The following VPS13A variants were observed in gnomAD, a reference collection of about 807,000 sequenced individuals.
VPS13A encodes the protein vacuolar protein sorting 13 homolog A, also known as intermembrane lipid transfer protein VPS13A.
Under a neutral mutation model 390.9 loss-of-function variants are expected in VPS13A, and 264 were observed. That is an observed-to-expected ratio of 0.68 (90% CI 0.61 to 0.75). The LOEUF is 0.75. VPS13A is among the 30% of genes least tolerant of loss of function. The pLI is 0.00. For synonymous variants in VPS13A, 1,231 were observed against 1,227.1 expected (o/e 1.00, Z -0.07); for missense variants, 3,409 against 3,733.9 (o/e 0.91, Z 2.27).
intron 67 of VPS13A, among the ~76,000 whole-genome samples, chr9:77,379,665 C>T (rs747384491): frequency 4.6e-5 from 7 of 152,194 alleles, no homozygotes; most frequent in South Asian, 4.1e-4. Context: ...TGAGCCACCA[C>T]GCCTGGCCTA....
chr9:77,378,963 G>A (rs1833269406), intron 67 of VPS13A, among the ~76,000 whole-genome samples: 1 of 138,896 alleles, frequency 7.2e-6, no homozygotes, highest in African/African-American at 2.7e-5. Context: ...ATGCTTCTAT[G>A]TTTTAATTTC....
intron 52 of VPS13A, among the ~76,000 whole-genome samples, chr9:77,345,682 T>C (rs1831110341): frequency 6.6e-6 from 1 of 152,192 alleles, no homozygotes; most frequent in South Asian, 2.1e-4. Context: ...CTCTACTTAG[T>C]AGTTCCAGGC....
At position 77,368,076 on chromosome 9, in the gene VPS13A, C is replaced by CTT; in HGVS notation, c.8494_8495insTT (p.Tyr2832PhefsTer15). ...TCAGGCTTGCATTTTTTGAACTCAA[C>CTT]TATCAGTTCCATACAACATCCGATC... On this transcript the variant is annotated frameshift_variant, in exon 62 of 72. Transcript: ENST00000360280. LOFTEE classifies it high-confidence loss of function. The CTT allele has an allele frequency of 6.2e-7, 1 of 1,612,258 alleles. No homozygotes were observed. The highest frequency in any genetic ancestry group is 8.5e-7 in the Non-Finnish European group (1 of 1,179,428).
At chr9:77,307,618 A>G (rs1157671630) in intron 34 of VPS13A, among the ~76,000 whole-genome samples, 1 of 152,218 alleles carries the variant, frequency 6.6e-6, no homozygotes, top group African/African-American at 2.4e-5. Context: ...GGTGCTTACT[A>G]ACCAAAAAAA....
intron 67 of VPS13A, 104 bp downstream of exon 67, chr9:77,371,253 G>C (rs1832732467): frequency 7.3e-6 from 11 of 1,514,418 alleles, no homozygotes; most frequent in Non-Finnish European, 9.0e-6. Context: ...TCTTTGTTTT[G>C]TGCTGCTATA....
At chr9:77,324,820 G>T (rs1829921971) in intron 45 of VPS13A, among the ~76,000 whole-genome samples, 2 of 152,052 alleles carry the variant, frequency 1.3e-5, no homozygotes, top group Admixed American at 6.6e-5. Flanking sequence ...AGGACTGTAG[G>T]TGCACACCAC....
intron 1 of VPS13A, chr9:77,178,148 G>A (rs543314110): frequency 1.1e-4 from 33 of 300,048 alleles, no homozygotes; most frequent in South Asian, 9.6e-4. Context: ...TCCGGCTTTA[G>A]CCGCGCGGGG....
Position 77,280,203 on chromosome 9 carries a change from A to G in VPS13A, c.2869A>G (p.Thr957Ala), listed in dbSNP as rs1248091059. ...TTATTTGGTTACAACCCTGGATAACACAATGGAAGACCTGTTAACGCTGGA... is the reference window on the plus strand; with the variant it reads ...TTATTTGGTTACAACCCTGGATAACGCAATGGAAGACCTGTTAACGCTGGA... ...PVYLVTTLDN[T>A]MEDLLTLEYV... is the part of the protein sequence containing the mutation. Residue 957 changes from threonine (T) to alanine (A), a missense_variant, in exon 27 of 72, where the codon ACA becomes GCA. Physicochemically the swap from Thr to Ala is moderately conservative, Grantham distance 58. Coordinates refer to ENST00000360280, the MANE Select transcript of VPS13A (RefSeq NM_033305.3). 1 of 1,612,978 alleles carries G rather than the reference A, an allele frequency of 6.2e-7. No individual in the cohort carries two copies.
In VPS13A at chr9:77,340,247, G is replaced by A. The variant is rs758045097; in HGVS notation, c.6844G>A (p.Ala2282Thr). ...AATTGATACTGTTGGTAGTCATGGAGCTGTTAAATGTAAAGGCCTGAAAAT... is the reference window on the plus strand; with the variant it reads ...AATTGATACTGTTGGTAGTCATGGAACTGTTAAATGTAAAGGCCTGAAAAT... ...FSIDTVGSHG[A>T]VKCKGLKMDY... is the part of the protein sequence containing the mutation. Residue 2282 changes from alanine (A) to threonine (T), a missense_variant, in exon 49 of 72, where the codon GCT becomes ACT. Physicochemically the swap from Ala to Thr is moderately conservative, Grantham distance 58. Transcript: ENST00000360280. 3 of 1,613,274 alleles carry A rather than the reference G, an allele frequency of 1.9e-6. No homozygotes were observed. The highest frequency in any genetic ancestry group is 2.5e-6 in the Non-Finnish European group (3 of 1,179,610).
intron 50 of VPS13A, among the ~76,000 whole-genome samples, chr9:77,342,586 T>C (rs1033092069): frequency 1.3e-5 from 2 of 152,210 alleles, no homozygotes; most frequent in East Asian, 1.9e-4. Flanking sequence ...TTTTGTTTCA[T>C]GCACAAAATT....
intron 34 of VPS13A, among the ~76,000 whole-genome samples, chr9:77,303,285 C>CT (rs1402820400): frequency 5.3e-5 from 8 of 152,154 alleles, no homozygotes; most frequent in Admixed American, 2.6e-4. Context: ...GACATTGTCT[C>CT]TGACTTCATG....
At chr9:77,235,334 A>T (rs757283980) in intron 17 of VPS13A, among the ~76,000 whole-genome samples, 4 of 151,704 alleles carry the variant, frequency 2.6e-5, no homozygotes, top group South Asian at 2.1e-4. Flanking sequence ...CTTGGTTGAC[A>T]TTTTTTTTCA....
chr9:77,253,506 C>T (rs12554894), intron 22 of VPS13A, among the ~76,000 whole-genome samples: 3 of 152,162 alleles, frequency 2.0e-5, no homozygotes, highest in East Asian at 1.9e-4. Flanking sequence ...GGGATTTCAC[C>T]GTGTTAGCCA....
chr9:77,362,340 C>T (rs1832191300), intron 59 of VPS13A, among the ~76,000 whole-genome samples: 1 of 152,062 alleles, frequency 6.6e-6, no homozygotes, highest in Admixed American at 6.6e-5. Flanking sequence ...TATAAGGATC[C>T]AAATTATTCT....
chr9:77,384,669 G>C (rs965504887), intron 68 of VPS13A: 3 of 1,602,904 alleles, frequency 1.9e-6, no homozygotes, highest in Non-Finnish European at 2.5e-6. Flanking sequence ...TGATGAGTCA[G>C]ATCTAAACCA....
In VPS13A at chr9:77,350,508, G is replaced by A. The variant is rs188028025; in HGVS notation, c.7290-809G>A. Among the ~76,000 whole-genome samples the A allele has an allele frequency of 2.8e-3, 433 of 152,156 alleles. 1 individual carries two copies. Among genetic ancestry groups the A allele is most frequent in the African/African-American group, 0.01 (420 of 41,536 alleles). On this transcript the variant is annotated intron_variant, in intron 52 of 71. Coordinates refer to ENST00000360280, the MANE Select transcript of VPS13A (RefSeq NM_033305.3). The stretch of plus-strand genomic sequence containing the variant: ...GATAGTGTTATGCTATTGCTTGTTC[G>A]AAATGTCTTATTCTTACAAATTTAT...
intron 27 of VPS13A, 21 bp downstream of exon 27, chr9:77,280,259 C>T: frequency 6.4e-7 from 1 of 1,569,432 alleles, no homozygotes. Flanking sequence ...TCATTTATAT[C>T]TGCTTAATAT....
chr9:77,295,462 GT>G (rs1297640978), intron 32 of VPS13A, 79 bp from the exon 33 acceptor site: 1 of 1,253,210 alleles, frequency 8.0e-7, no homozygotes, highest in Non-Finnish European at 1.1e-6. Context: ...TTAAATGGAG[GT>G]AAAACCATAA....
At chr9:77,260,024 ATT>A in intron 22 of VPS13A, 60 bp from the exon 23 acceptor site, 2 of 1,075,730 alleles carry the variant, frequency 1.9e-6, no homozygotes, top group Non-Finnish European at 2.7e-6. Flanking sequence ...AGTCTTTTTA[ATT>A]AGTGCACTTA....
Sources: gnomAD v4.1 joint callset for allele counts (sites outside exome capture counted in the v4.1 genomes callset) on GRCh38, gnomAD v4.1.1 for gene constraint, MANE v1.5 for transcripts, NCBI Gene and HGNC (gene_info 2026-07-23, HGNC 2026-07-21) for gene names.